Variants in SCHIP1 observed in about 807,000 individuals in gnomAD.
The protein encoded by SCHIP1 is schwannomin interacting protein 1.
A neutral mutation model predicts 29.7 loss-of-function variants in SCHIP1; 8 were observed. The observed-to-expected ratio is 0.27, with a 90% CI of 0.16 to 0.49. The LOEUF (loss-of-function observed/expected upper bound fraction) is 0.49. SCHIP1 is among the 20% of genes least tolerant of loss of function. The probability of loss-of-function intolerance (pLI) is 0.99; values close to 1 mark genes in which losing one functional copy is unlikely to be tolerated. For missense variants in SCHIP1, 193 were observed against 294.6 expected, an observed-to-expected ratio of 0.66 and a Z score of 2.52; for synonymous variants, 76 against 94.9, an observed-to-expected ratio of 0.80 and a Z score of 1.16.
chr3:159,765,159 G>C, the SCHIP1 span: 1 of 1,542,350 alleles, frequency 6.5e-7, no homozygotes. Flanking sequence ...CGGGGTGCGT[G>C]CCCACGCGCG....
chr3:159,490,930 C>G, the SCHIP1 span, among the ~76,000 whole-genome samples: 1 of 152,138 alleles, frequency 6.6e-6, no homozygotes, highest in African/African-American at 2.4e-5. Flanking sequence ...CTCAACTTTA[C>G]CAAGTAAGAT....
At chr3:159,829,685 G>T in the SCHIP1 span, among the ~76,000 whole-genome samples, 1 of 152,224 alleles carries the variant, frequency 6.6e-6, no homozygotes, top group Non-Finnish European at 1.5e-5. Flanking sequence ...TGACCATGAA[G>T]GTGGTAGCTC....
chr3:159,533,820 A>G, the SCHIP1 span, among the ~76,000 whole-genome samples: 1 of 152,216 alleles, frequency 6.6e-6, no homozygotes. Flanking sequence ...CTGGGGTTTT[A>G]TAGCTAAAAG....
At chr3:159,683,734 G>C in the SCHIP1 span, among the ~76,000 whole-genome samples, 1 of 152,300 alleles carries the variant, frequency 6.6e-6, no homozygotes, top group South Asian at 2.1e-4. Context: ...GAGACAGGGT[G>C]GGAGATGGAA....
the SCHIP1 span, chr3:159,765,096 G>C: frequency 6.4e-7 from 1 of 1,572,502 alleles, no homozygotes; most frequent in Admixed American, 1.9e-5. Context: ...TCCGGGAGCA[G>C]GAGGTACGGA....
the SCHIP1 span, among the ~76,000 whole-genome samples, chr3:159,548,233 A>G: frequency 2.0e-5 from 3 of 152,030 alleles, no homozygotes; most frequent in Admixed American, 2.0e-4. Flanking sequence ...GAAGTTTTCT[A>G]AAGATTTTTA....
chr3:159,517,408 G>A, the SCHIP1 span, among the ~76,000 whole-genome samples: 2 of 152,146 alleles, frequency 1.3e-5, no homozygotes, highest in Admixed American at 6.5e-5. Flanking sequence ...CATATTTTAA[G>A]ATATAAATAC....
chr3:159,750,508 TAAACTTGTGAG>T, the SCHIP1 span, among the ~76,000 whole-genome samples: 1 of 151,950 alleles, frequency 6.6e-6, no homozygotes, highest in Non-Finnish European at 1.5e-5. Flanking sequence ...TATTGAGCGA[TAAACTTGTGAG>T]AAAGTGAGAG....
At chr3:159,763,465 C>T in the SCHIP1 span, among the ~76,000 whole-genome samples, 1 of 152,170 alleles carries the variant, frequency 6.6e-6, no homozygotes, top group African/African-American at 2.4e-5. Context: ...ATACACCACT[C>T]TTCCCAGCGC....
the SCHIP1 span, among the ~76,000 whole-genome samples, chr3:159,335,905 TGAG>T: frequency 6.6e-6 from 1 of 152,240 alleles, no homozygotes; most frequent in African/African-American, 2.4e-5. Context: ...TCTAGATCCC[TGAG>T]GAATCGCCAC....
At chr3:159,455,076 A>G in the SCHIP1 span, among the ~76,000 whole-genome samples, 2 of 152,310 alleles carry the variant, frequency 1.3e-5, no homozygotes, top group East Asian at 1.9e-4. Flanking sequence ...TAAAGGAAAA[A>G]AGAGAGAGAA....
chr3:159,484,551 G>A, the SCHIP1 span, among the ~76,000 whole-genome samples: 1 of 152,088 alleles, frequency 6.6e-6, no homozygotes, highest in African/African-American at 2.4e-5. Context: ...TGGCAGGAGA[G>A]GACCTCCTCT....
the SCHIP1 span, among the ~76,000 whole-genome samples, chr3:159,284,699 G>A: frequency 6.6e-6 from 1 of 151,978 alleles, no homozygotes; most frequent in Non-Finnish European, 1.5e-5. Flanking sequence ...GTTTCATCAT[G>A]TTGGCCAGGC....
At chr3:159,273,803 G>A in the SCHIP1 span, 1 of 1,613,086 alleles carries the variant, frequency 6.2e-7, no homozygotes, top group Non-Finnish European at 8.5e-7. Flanking sequence ...AAATGGGCAA[G>A]AGTAACTCTT....
the SCHIP1 span, among the ~76,000 whole-genome samples, chr3:159,665,009 G>A: frequency 1.3e-5 from 2 of 152,228 alleles, no homozygotes; most frequent in African/African-American, 2.4e-5. Context: ...TGAAAACCAG[G>A]AGTGTAGACC....
At chr3:159,896,747 C>T (rs1718108049) in exon 7 of SCHIP1, 1 of 1,608,106 alleles carries the variant, frequency 6.2e-7, no homozygotes, top group African/African-American at 1.3e-5. Flanking sequence ...AGCAGAAGCA[C>T]ATGGCAGAGA....
chr3:159,527,452 C>T, the SCHIP1 span, among the ~76,000 whole-genome samples: 13 of 152,270 alleles, frequency 8.5e-5, no homozygotes, highest in African/African-American at 2.4e-4. Context: ...CTCTGCGCCA[C>T]GGTGACACTA....
the SCHIP1 span, among the ~76,000 whole-genome samples, chr3:159,760,780 G>A: frequency 9.2e-5 from 14 of 152,150 alleles, no homozygotes; most frequent in South Asian, 2.1e-4. Flanking sequence ...ACATGAATTC[G>A]AATATGATTT....
chr3:159,382,462 A>G, the SCHIP1 span, among the ~76,000 whole-genome samples: 2 of 151,784 alleles, frequency 1.3e-5, no homozygotes, highest in Admixed American at 1.3e-4. Context: ...GCTGCATAGT[A>G]TTCCATGGTG....
Sources: allele counts gnomAD v4.1 joint callset (sites outside exome capture counted in the v4.1 genomes callset), GRCh38; gene constraint gnomAD v4.1.1; transcripts MANE v1.5; gene names NCBI Gene and HGNC (gene_info 2026-07-23, HGNC 2026-07-21).